The following ZNF226 variants were observed in gnomAD, a reference collection of about 807,000 sequenced individuals.
The protein encoded by ZNF226 is Kruppel-associated box protein.
A neutral mutation model predicts 11.4 loss-of-function variants in ZNF226; 6 were observed. The observed-to-expected ratio is 0.53, with a 90% CI of 0.29 to 1.04. ZNF226 has a LOEUF of 1.04. ZNF226 is among the 50% of genes least tolerant of loss of function. The pLI is 0.08. For missense variants in ZNF226, 1,058 were observed against 956.5 expected (o/e 1.11, Z -1.40); for synonymous variants, 350 against 322.8 (o/e 1.08, Z -0.90).
chr19:44,180,636 A>G (rs1389799781), downstream of ZNF226, among the ~76,000 whole-genome samples: 1 of 152,152 alleles, frequency 6.6e-6, no homozygotes, highest in Admixed American at 6.5e-5. Context: ...TTAGTGTATT[A>G]TCTATGCTTT....
Position 44,177,163 on chromosome 19 carries a change from A to G in ZNF226, c.1901A>G (p.Gln634Arg). The G allele has an allele frequency of 6.2e-7, 1 of 1,614,072 alleles. No individual in the cohort carries two copies. The highest frequency in any genetic ancestry group is 8.5e-7 in the Non-Finnish European group (1 of 1,179,970). ...CAGGCCTCAAATCTTTTGGCCCATC[A>G]GAGAGTCCACAGTGGAGAAAAACCA... ...FRQASNLLAH[Q>R]RVHSGEKPFK... Residue 634 changes from glutamine to arginine, a missense_variant, in exon 6 of 6, where the codon CAG becomes CGG. Physicochemically the swap from Gln to Arg is conservative, Grantham distance 43. Transcript: ENST00000337433.
rs1410162025 is a variant in ZNF226, at chr19:44,165,123, C to T, written c.-117C>T. The T allele has an allele frequency of 1.3e-5, 2 of 152,238 alleles. No individual in the cohort carries two copies. Among genetic ancestry groups the T allele is most frequent in the East Asian group, 1.9e-4 (1 of 5,192 alleles). The allele number at this position is 152,238 out of a possible 1,614,324, so 9.4% of individuals were successfully genotyped here. On this transcript the variant is annotated 5_prime_UTR_variant, in exon 1 of 6. Transcript: ENST00000337433. Reference sequence around the variant, plus strand: ...GAAGACGACGTAGCAGCCATCTTTTCCCTGGCTTTGGTGATTCAGGTCAGC... The same window carrying T: ...GAAGACGACGTAGCAGCCATCTTTTTCCTGGCTTTGGTGATTCAGGTCAGC...
chr19:44,180,785 A>T (rs900413873), downstream of ZNF226, among the ~76,000 whole-genome samples: 2 of 152,200 alleles, frequency 1.3e-5, no homozygotes, highest in African/African-American at 4.8e-5. Flanking sequence ...CCATAACTTA[A>T]AAAAGACCCC....
At chr19:44,173,014 GC>G in intron 5 of ZNF226, 62 bp downstream of exon 5, 1 of 1,473,642 alleles carries the variant, frequency 6.8e-7, no homozygotes, top group Non-Finnish European at 9.3e-7. Flanking sequence ...CTTCTTCTTA[GC>G]CTTGTTGCCA....
At chr19:44,189,338 C>A in the ZNF226 span, among the ~76,000 whole-genome samples, 1 of 152,316 alleles carries the variant, frequency 6.6e-6, no homozygotes. Context: ...ATCAAATGAT[C>A]ATTGGGAATT....
intron 4 of ZNF226, chr19:44,172,622 T>G (rs1568567192): frequency 1.4e-5 from 7 of 508,000 alleles, no homozygotes; most frequent in Non-Finnish European, 2.1e-5. Flanking sequence ...ATGGGAGATT[T>G]AAGGAAAACA....
chr19:44,171,401 A>G (rs767774528), intron 3 of ZNF226, among the ~76,000 whole-genome samples: 27 of 152,118 alleles, frequency 1.8e-4, no homozygotes, highest in Non-Finnish European at 3.5e-4. Flanking sequence ...CTGTGTGTTT[A>G]CTGGTCTTTT....
chr19:44,167,972 T>C (rs1274067484), intron 2 of ZNF226: 1 of 152,178 alleles, frequency 6.6e-6, no homozygotes, highest in East Asian at 1.9e-4. Context: ...GAAGAAGCAG[T>C]AGTAATTTGA....
chr19:44,193,861 G>A, the ZNF226 span, among the ~76,000 whole-genome samples: 6 of 152,296 alleles, frequency 3.9e-5, no homozygotes, highest in Middle Eastern at 3.4e-3. Flanking sequence ...TTTTTTAAAT[G>A]TGCATGAGAA....
chr19:44,183,568 C>T, the ZNF226 span, among the ~76,000 whole-genome samples: 1 of 152,208 alleles, frequency 6.6e-6, no homozygotes, highest in Non-Finnish European at 1.5e-5. Context: ...GGTTATGGTT[C>T]TATCACATCC....
At chr19:44,191,872 C>T in the ZNF226 span, among the ~76,000 whole-genome samples, 1 of 152,110 alleles carries the variant, frequency 6.6e-6, no homozygotes, top group Non-Finnish European at 1.5e-5. Context: ...ATCTTTGTTT[C>T]CTAGGCCAGC....
chr19:44,169,732 T>TA, intron 2 of ZNF226: 1 of 210,164 alleles, frequency 4.8e-6, no homozygotes, highest in Non-Finnish European at 9.4e-6. Context: ...TTTTAACCCA[T>TA]GCATATCAAT....
At chr19:44,174,558 A>G (rs1272564537) in intron 5 of ZNF226, 1 of 153,582 alleles carries the variant, frequency 6.5e-6, no homozygotes, top group African/African-American at 2.4e-5. Context: ...GTAGGCTTAT[A>G]TGTATGTCTT....
chr19:44,178,361 G>A (rs1335955302), downstream of ZNF226: 2 of 152,112 alleles, frequency 1.3e-5, no homozygotes, highest in Non-Finnish European at 2.9e-5. Context: ...TTTCAACACT[G>A]TTAAGGCAGG....
the ZNF226 span, among the ~76,000 whole-genome samples, chr19:44,184,448 C>T: frequency 2.6e-5 from 4 of 152,000 alleles, no homozygotes; most frequent in South Asian, 2.1e-4. Flanking sequence ...GGTGTGGTGG[C>T]GGGCGCCTAT....
chr19:44,183,157 T>C (rs1970932883), downstream of ZNF226, among the ~76,000 whole-genome samples: 1 of 152,196 alleles, frequency 6.6e-6, no homozygotes, highest in Non-Finnish European at 1.5e-5. Flanking sequence ...AGCCTGAATA[T>C]GGAGGGATTG....
In ZNF226 at chr19:44,176,748, G is replaced by A; in HGVS notation, c.1486G>A (p.Val496Ile). 6.2e-7 allele frequency: 1 copy of A among 1,613,956 alleles called. No homozygotes were observed. The highest frequency in any genetic ancestry group is 2.2e-5 in the East Asian group (1 of 44,850). Reference protein sequence around the residue: ...LSSNLQAHQRVHTGEKPYKCN... With the variant: ...LSSNLQAHQRIHTGEKPYKCN... Reference sequence around the variant, plus strand: ...TTCAAATCTTCAAGCCCATCAGAGAGTCCACACTGGAGAGAAGCCATACAA... The same window carrying A: ...TTCAAATCTTCAAGCCCATCAGAGAATCCACACTGGAGAGAAGCCATACAA... Residue 496 changes from valine to isoleucine, a missense_variant, in exon 6 of 6, where the codon GTC becomes ATC. Coordinates refer to ENST00000337433, the MANE Select transcript of ZNF226 (RefSeq NM_001032373.2).
At position 44,177,377 on chromosome 19, in the gene ZNF226, T is replaced by G; in HGVS notation, c.2115T>G (p.Gly705=). The change falls in exon 6 of 6, where the codon GGT becomes GGG. Residue 705 remains glycine (G), a synonymous_variant. Transcript: ENST00000337433. The part of the protein sequence containing the change: ...GEKPYKCGEC[G]KYFSQASSLQ... ...AACCATATAAATGTGGGGAGTGTGG[T>G]AAGTACTTCAGTCAGGCCTCAAGTC... 2.5e-6 allele frequency: 4 copies of G among 1,612,410 alleles called. No individual in the cohort carries two copies. The highest frequency in any genetic ancestry group is 1.1e-5 in the South Asian group (1 of 90,978).
rs61742482 is a variant in ZNF226, at chr19:44,176,682, T to C, written c.1420T>C (p.Ser474Pro). 6.8e-6 allele frequency: 11 copies of C among 1,613,308 alleles called. No individual in the cohort carries two copies. The highest frequency in any genetic ancestry group is 9.3e-6 in the Non-Finnish European group (11 of 1,179,854). The part of the protein sequence containing the change: ...AHQGVHTGEK[S>P]YICTVCGKGF... ...TCAGGGAGTTCACACTGGAGAGAAG[T>C]CATACATATGTACTGTATGTGGGAA... The change falls in exon 6 of 6, where the codon TCA becomes CCA. Residue 474 changes from serine (S) to proline (P), a missense_variant. Ser to Pro is a moderately conservative substitution (Grantham distance 74). Coordinates refer to ENST00000337433, the MANE Select transcript of ZNF226 (RefSeq NM_001032373.2).
Sources: allele counts gnomAD v4.1 joint callset (sites outside exome capture counted in the v4.1 genomes callset), GRCh38; gene constraint gnomAD v4.1.1; transcripts MANE v1.5; gene names NCBI Gene and HGNC (gene_info 2026-07-23, HGNC 2026-07-21).